Variants in DPP6 observed in about 807,000 individuals in gnomAD.
DPP6 encodes the protein dipeptidyl peptidase like 6.
DPP6 carries 69 observed loss-of-function variants against 122.6 expected under a neutral mutation model. The observed-to-expected ratio is 0.56, with a 90% confidence interval of 0.46 to 0.69. The LOEUF (loss-of-function observed/expected upper bound fraction) is 0.69. Ranked by LOEUF, DPP6 falls within the 30% of genes least tolerant of loss-of-function variation. The pLI, the probability that DPP6 is intolerant of heterozygous loss-of-function variation, is 0.00. For missense variants in DPP6, 928 were observed against 1,116.9 expected (o/e 0.83, Z 2.41); for synonymous variants, 418 against 433.1 (o/e 0.97, Z 0.43).
intron 1 of DPP6, among the ~76,000 whole-genome samples, chr7:153,912,959 A>G (rs1800152278): frequency 6.6e-6 from 1 of 152,226 alleles, no homozygotes. Context: ...GCTTTTGAAC[A>G]TGGTGTCTAT....
At chr7:154,475,154 T>C (rs1489342553) in intron 3 of DPP6, 117 bp downstream of exon 3, 1 of 766,146 alleles carries the variant, frequency 1.3e-6, no homozygotes, top group Non-Finnish European at 2.3e-6. Flanking sequence ...CAGAAGGGGA[T>C]CTACAGAGCT....
At chr7:154,585,335 C>T (rs1832368727) in intron 5 of DPP6, among the ~76,000 whole-genome samples, 1 of 152,232 alleles carries the variant, frequency 6.6e-6, no homozygotes, top group Non-Finnish European at 1.5e-5. Context: ...TTACTGAGTT[C>T]TTACCCTCAA....
chr7:153,916,481 G>A (rs1585026935), intron 1 of DPP6, among the ~76,000 whole-genome samples: 1 of 141,662 alleles, frequency 7.1e-6, no homozygotes. Flanking sequence ...GCACGATCTC[G>A]GCTCACTGCA....
chr7:154,454,541 G>C (rs939407692), intron 2 of DPP6, among the ~76,000 whole-genome samples: 1 of 152,156 alleles, frequency 6.6e-6, no homozygotes, highest in African/African-American at 2.4e-5. Flanking sequence ...AAAACTGAGA[G>C]GGAAAGCCAT....
At chr7:154,254,953 C>T (rs1353147130) in intron 1 of DPP6, among the ~76,000 whole-genome samples, 1 of 151,800 alleles carries the variant, frequency 6.6e-6, no homozygotes, top group Non-Finnish European at 1.5e-5. Context: ...ATTTCCTTTG[C>T]AATTTGCAAA....
At chr7:154,566,659 A>C (rs1830769668) in intron 4 of DPP6, among the ~76,000 whole-genome samples, 183 bp from the exon 5 acceptor site, 2 of 152,200 alleles carry the variant, frequency 1.3e-5, no homozygotes, top group Non-Finnish European at 2.9e-5. Context: ...ATTTGAAAAA[A>C]AATACAAATA....
the DPP6 span, among the ~76,000 whole-genome samples, chr7:153,792,949 T>C: frequency 6.6e-6 from 1 of 152,210 alleles, no homozygotes; most frequent in Non-Finnish European, 1.5e-5. Context: ...GCCACCGCCA[T>C]GTAAGAAGTG....
At chr7:153,764,446 G>T in the DPP6 span, among the ~76,000 whole-genome samples, 1 of 151,986 alleles carries the variant, frequency 6.6e-6, no homozygotes, top group African/African-American at 2.4e-5. Flanking sequence ...CTCTGCACTC[G>T]CCAGTCTTAA....
intron 1 of DPP6, among the ~76,000 whole-genome samples, chr7:154,208,278 T>C (rs1427017545): frequency 2.0e-5 from 3 of 152,140 alleles, no homozygotes; most frequent in Non-Finnish European, 4.4e-5. Context: ...GCTGCAAAAA[T>C]TATGACTAGG....
chr7:153,862,149 T>C, the DPP6 span, among the ~76,000 whole-genome samples: 1 of 152,128 alleles, frequency 6.6e-6, no homozygotes, highest in Non-Finnish European at 1.5e-5. Context: ...GGGAAAAGAA[T>C]GACGAGGAGG....
At chr7:154,306,411 A>G (rs1196460301) in intron 1 of DPP6, among the ~76,000 whole-genome samples, 1 of 152,242 alleles carries the variant, frequency 6.6e-6, no homozygotes, top group African/African-American at 2.4e-5. Context: ...AGATCCTGGG[A>G]GACACCAATA....
At chr7:154,248,309 C>G (rs1397648827) in intron 1 of DPP6, among the ~76,000 whole-genome samples, 1 of 152,268 alleles carries the variant, frequency 6.6e-6, no homozygotes, top group African/African-American at 2.4e-5. Context: ...TAATACATGT[C>G]ACAGCAGGGA....
At chr7:154,335,252 T>TG (rs1331635738) in intron 1 of DPP6, among the ~76,000 whole-genome samples, 1 of 152,250 alleles carries the variant, frequency 6.6e-6, no homozygotes, top group Non-Finnish European at 1.5e-5. Flanking sequence ...CTTATTGCAG[T>TG]GAATGCAGGA....
chr7:154,053,258 G>C (rs1204591593), intron 1 of DPP6, among the ~76,000 whole-genome samples, 195 bp downstream of exon 1: 3 of 151,238 alleles, frequency 2.0e-5, no homozygotes, highest in Non-Finnish European at 4.4e-5. Flanking sequence ...GCGGGTCTGT[G>C]TCTGCAGCCG....
chr7:153,749,086 G>T, the DPP6 span, among the ~76,000 whole-genome samples: 1 of 152,122 alleles, frequency 6.6e-6, no homozygotes, highest in Non-Finnish European at 1.5e-5. This position sits in a 1 kb window ranked among gnomAD's most constrained non-coding sequence, Gnocchi z 4.1. Context: ...GGAGAGTGGA[G>T]ACTCCGGCAG....
chr7:154,457,167 G>T (rs1820899265), intron 2 of DPP6, among the ~76,000 whole-genome samples: 1 of 75,298 alleles, frequency 1.3e-5, no homozygotes. Context: ...CGAAGGACAT[G>T]AACAGACACT....
chr7:154,328,564 A>G (rs1201640863), intron 1 of DPP6, among the ~76,000 whole-genome samples: 3 of 152,216 alleles, frequency 2.0e-5, no homozygotes, highest in Non-Finnish European at 4.4e-5. Context: ...TGTCTAAAGT[A>G]GCAGGGGAAG....
At chr7:154,386,044 G>T (rs971630142) in intron 1 of DPP6, among the ~76,000 whole-genome samples, 7 of 152,182 alleles carry the variant, frequency 4.6e-5, no homozygotes, top group African/African-American at 1.7e-4. Context: ...TACAAGGTGT[G>T]CTCAGGAAAA....
intron 6 of DPP6, among the ~76,000 whole-genome samples, chr7:154,641,829 G>A (rs1836114308): frequency 6.6e-6 from 1 of 152,150 alleles, no homozygotes; most frequent in African/African-American, 2.4e-5. Context: ...ACTCAGAACT[G>A]TAATAGAATA....
Sources: gnomAD v4.1 joint callset for allele counts (sites outside exome capture counted in the v4.1 genomes callset) on GRCh38, gnomAD v4.1.1 for gene constraint, Gnocchi (gnomAD v3.1) non-coding constraint, MANE v1.5 for transcripts, NCBI Gene and HGNC (gene_info 2026-07-23, HGNC 2026-07-21) for gene names.